Variants in CACNA1A observed in about 807,000 individuals in gnomAD.
CACNA1A encodes voltage-dependent P/Q-type calcium channel subunit alpha-1A.
A neutral mutation model predicts 262.4 loss-of-function variants in CACNA1A; 57 were observed. That is an observed-to-expected ratio of 0.22 (90% CI 0.18 to 0.27). The LOEUF (loss-of-function observed/expected upper bound fraction) is 0.27, where lower values mean the gene tolerates loss of function less well. Ranked by LOEUF, CACNA1A falls within the 10% of genes least tolerant of loss-of-function variation. The pLI is 1.00. For missense variants in CACNA1A, 2,526 were observed against 3,562.8 expected, an observed-to-expected ratio of 0.71 and a Z score of 7.41; for synonymous variants, 1,431 against 1,419.3, an observed-to-expected ratio of 1.01 and a Z score of -0.18.
Position 13,286,758 on chromosome 19 carries a change from T to C in CACNA1A, c.3298A>G (p.Ser1100Gly). ...LPQSPAKMGN[S>G]TDPGPMLAIP... Reference sequence around the variant, plus strand: ...GCCAGCATGGGGCCGGGGTCGGTGCTGTTTCCCATCTTGGCTGGGCTCTGG... The same window carrying C: ...GCCAGCATGGGGCCGGGGTCGGTGCCGTTTCCCATCTTGGCTGGGCTCTGG... The change falls in exon 20 of 47, where the codon AGC becomes GGC. Residue 1100 changes from serine (S) to glycine (G), a missense_variant. Physicochemically the swap from Ser to Gly is moderately conservative, Grantham distance 56. Around this residue, in one of 17 missense-constraint regions of CACNA1A, gnomAD observed 765 missense variants for 748.6 expected, o/e 1.02. Coordinates refer to ENST00000360228, the MANE Select transcript of CACNA1A (RefSeq NM_001127222.2). 5 of 1,610,762 alleles carry C rather than the reference T, an allele frequency of 3.1e-6. No homozygotes were observed. Among genetic ancestry groups the C allele is most frequent in the Non-Finnish European group, 4.2e-6 (5 of 1,178,752 alleles).
rs566352812 is a variant in CACNA1A at position 13,294,451 on chromosome 19, G to A, written c.3089+4093C>T. ...GCAATCCTTTGCCTCAGCCTCCTGA[G>A]TAGCTGGGATTACAGGTGCATACCA... On this transcript the variant is annotated intron_variant, in intron 19 of 46. Coordinates refer to ENST00000360228, the MANE Select transcript of CACNA1A (RefSeq NM_001127222.2). Among the ~76,000 whole-genome samples the A allele has an allele frequency of 6.1e-5, 9 of 146,910 alleles. 1 individual carries two copies. The South Asian group carries it at 2.0e-3, about 32-fold the overall frequency.
At chr19:13,274,147 G>C (rs531753294) in intron 24 of CACNA1A, 2 of 152,220 alleles carry the variant, frequency 1.3e-5, no homozygotes, top group Non-Finnish European at 2.9e-5. Flanking sequence ...CAAAAAGAGA[G>C]GAGAAAGAGG....
Position 13,255,224 on chromosome 19 carries a change from C to A in CACNA1A, c.4626G>T (p.Pro1542=). 6.2e-7 allele frequency: 1 copy of A among 1,606,080 alleles called. No individual in the cohort carries two copies. Among genetic ancestry groups the A allele is most frequent in the Non-Finnish European group, 8.5e-7 (1 of 1,173,532 alleles). ...ACIDFAISAK[P]LTRHMPQNKQ... The stretch of plus-strand genomic sequence containing the variant: ...TGTTCTGCGGCATGTGTCGGGTCAG[C>A]GGCTTGGCGCTGATGGCGAAATCAA... Residue 1542 remains proline, a synonymous_variant, in exon 29 of 47, where the codon CCG becomes CCT. Coordinates refer to ENST00000360228, the MANE Select transcript of CACNA1A (RefSeq NM_001127222.2).
At chr19:13,336,599 GAGAGAGAGAGAGAGAGAGAGAGAGA>G (rs2058576014) in intron 6 of CACNA1A, among the ~76,000 whole-genome samples, 1 of 121,598 alleles carries the variant, frequency 8.2e-6, no homozygotes, top group East Asian at 2.1e-4. Context: ...GAGAGGGAGA[GAGAGAGAGAGAGAGAGAGAGAGAGA>G]GAGAGAGAGA....
rs2061068826 is a variant in CACNA1A at position 13,459,113 on chromosome 19, A to G, written c.294-3901T>C. 1.3e-5 allele frequency among the ~76,000 whole-genome samples: 2 copies of G among 152,138 alleles called. 1 individual carries two copies. Among genetic ancestry groups the G allele is most frequent in the Admixed American group, 1.3e-4 (2 of 15,258 alleles). ...ACATTGCTGAGTGTCCCCTGGGGGCACTGAAATCCCGCATTCTGTAGAGAG... is the reference window on the plus strand; with the variant it reads ...ACATTGCTGAGTGTCCCCTGGGGGCGCTGAAATCCCGCATTCTGTAGAGAG... On this transcript the variant is annotated intron_variant, in intron 1 of 46. Transcript: ENST00000360228.
intron 3 of CACNA1A, among the ~76,000 whole-genome samples, chr19:13,440,616 C>T (rs140613221): frequency 3.3e-5 from 5 of 152,156 alleles, no homozygotes; most frequent in African/African-American, 1.2e-4. Flanking sequence ...CTGACTTTTA[C>T]CTTTTGAGGT....
intron 1 of CACNA1A, among the ~76,000 whole-genome samples, chr19:13,463,491 C>A (rs138439316): frequency 2.1e-3 from 317 of 152,252 alleles, no homozygotes; most frequent in Admixed American, 3.5e-3. Flanking sequence ...TAGCGCTGCC[C>A]GGGATGTTTT....
intron 6 of CACNA1A, among the ~76,000 whole-genome samples, chr19:13,349,446 CTG>C (rs1427205219): frequency 6.6e-6 from 1 of 152,180 alleles, no homozygotes; most frequent in African/African-American, 2.4e-5. Context: ...GGACCTTCCC[CTG>C]TGAGAGTGGA....
chr19:13,270,548 C>CA (rs1173373546), intron 24 of CACNA1A, among the ~76,000 whole-genome samples: 2 of 152,170 alleles, frequency 1.3e-5, no homozygotes, highest in Non-Finnish European at 1.5e-5. Context: ...CCTTCTCAGG[C>CA]AAAAGAGGCC....
chr19:13,210,753 A>G, intron 43 of CACNA1A, 101 bp from the exon 44 acceptor site: 1 of 1,216,882 alleles, frequency 8.2e-7, no homozygotes, highest in Non-Finnish European at 1.2e-6. Context: ...ATGGAGAAGA[A>G]GCCAAGGAGG....
chr19:13,303,694 C>T, intron 16 of CACNA1A, 73 bp downstream of exon 16: 2 of 1,547,918 alleles, frequency 1.3e-6, no homozygotes, highest in East Asian at 2.2e-5. Flanking sequence ...TCAGTACCCT[C>T]CCTTGAGCCC....
intron 22 of CACNA1A, among the ~76,000 whole-genome samples, chr19:13,281,551 G>A (rs2057291934): frequency 6.6e-6 from 1 of 151,886 alleles, no homozygotes; most frequent in African/African-American, 2.4e-5. Context: ...GGGCATCGGC[G>A]GGTGCTGAGC....
chr19:13,206,591 G>GTTGT lies in CACNA1A; in HGVS notation c.*718_*721dup, dbSNP rs1568413448. ...GATGGTGGGTTTTTCTTCTTCTTTTGTTGTTTCAAGCAGGACCAAATGTCA... is the reference window on the plus strand; with the variant it reads ...GATGGTGGGTTTTTCTTCTTCTTTTGTTGTTTGTTTCAAGCAGGACCAAATGTCA... On this transcript the variant is annotated 3_prime_UTR_variant, in exon 47 of 47. Transcript: ENST00000360228. The GTTGT allele has an allele frequency of 1.9e-5, 3 of 153,994 alleles. No individual in the cohort carries two copies. The highest frequency in any genetic ancestry group is 5.6e-4 in the Middle Eastern group (1 of 1,786). 9.5% of individuals were successfully genotyped at this position (153,994 alleles called of 1,614,324 possible).
At chr19:13,472,942 C>T (rs889213469) in intron 1 of CACNA1A, among the ~76,000 whole-genome samples, 1 of 152,010 alleles carries the variant, frequency 6.6e-6, no homozygotes. Flanking sequence ...CAAAATCCAT[C>T]GACAAAGATC....
chr19:13,486,138 G>A (rs1156747981), intron 1 of CACNA1A, among the ~76,000 whole-genome samples: 3 of 152,208 alleles, frequency 2.0e-5, no homozygotes, highest in Non-Finnish European at 2.9e-5. Flanking sequence ...GCTTCAGGAT[G>A]CGTACTTAGG....
In CACNA1A at chr19:13,206,785, CTGG is replaced by C. The variant is rs146613209; in HGVS notation, c.*525_*527del. On this transcript the variant is annotated 3_prime_UTR_variant, in exon 47 of 47. Transcript: ENST00000360228. ...AGAACGTGTGTGGGTGTGAGTGTGT[CTGG>C]TGGTGGGTGTAGGGCACTGGGATTC... is the stretch of plus-strand genomic sequence containing the variant. 0.023 allele frequency: 3,586 copies of C among 154,274 alleles called. 140 individuals are homozygous for C. Among genetic ancestry groups the C allele is most frequent in the African/African-American group, 0.083 (3,427 of 41,430 alleles). The allele number at this position is 154,274 out of a possible 1,614,324, so 9.6% of individuals were successfully genotyped here.
intron 1 of CACNA1A, among the ~76,000 whole-genome samples, chr19:13,478,855 T>G (rs1978897924): frequency 6.6e-6 from 1 of 152,212 alleles, no homozygotes; most frequent in African/African-American, 2.4e-5. Flanking sequence ...CACCTGCTGA[T>G]CTAGGCTGTT....
chr19:13,365,557 A>G (rs1291250921), intron 4 of CACNA1A, 88 bp from the exon 5 acceptor site: 4 of 1,231,884 alleles, frequency 3.2e-6, no homozygotes, highest in African/African-American at 3.0e-5. Flanking sequence ...CTCCCAGACA[A>G]AGCAGGTGTG....
At chr19:13,324,034 T>A (rs1195890092) in intron 10 of CACNA1A, among the ~76,000 whole-genome samples, 1 of 152,218 alleles carries the variant, frequency 6.6e-6, no homozygotes, top group Non-Finnish European at 1.5e-5. Context: ...GTGGTATGTA[T>A]ACAAATAGAA....
Sources: allele counts gnomAD v4.1 joint callset (sites outside exome capture counted in the v4.1 genomes callset), GRCh38; gene constraint gnomAD v4.1.1; regional missense constraint gnomAD v4.1.1; transcripts MANE v1.5; gene names NCBI Gene and HGNC (gene_info 2026-07-23, HGNC 2026-07-21).